Variants in ADAMTS2 observed in about 807,000 individuals in gnomAD.
ADAMTS2 encodes ADAM metallopeptidase with thrombospondin type 1 motif 2, also known as A disintegrin and metalloproteinase with thrombospondin motifs 2.
Under a neutral mutation model 123.0 loss-of-function variants are expected in ADAMTS2, and 50 were observed. That is an observed-to-expected ratio of 0.41 (90% CI 0.32 to 0.51). The LOEUF is 0.51. ADAMTS2 is among the 20% of genes least tolerant of loss of function. The probability of loss-of-function intolerance (pLI) is 0.35; values close to 1 mark genes in which losing one functional copy is unlikely to be tolerated. For synonymous variants in ADAMTS2, 678 were observed against 695.4 expected (o/e 0.98, Z 0.39); for missense variants, 1,494 against 1,705.2 (o/e 0.88, Z 2.18).
chr5:179,128,175 G>C lies in ADAMTS2; in HGVS notation c.2458-57C>G. 6.2e-7 allele frequency: 1 copy of C among 1,603,448 alleles called. No individual in the cohort carries two copies. The highest frequency in any genetic ancestry group is 8.5e-7 in the Non-Finnish European group (1 of 1,177,434). On this transcript the variant is annotated intron_variant, in intron 16 of 21. Coordinates refer to ENST00000251582, the MANE Select transcript of ADAMTS2 (RefSeq NM_014244.5). The surrounding 1 kb of genome is among the most constrained non-coding windows in gnomAD (Gnocchi z 4.9). The stretch of plus-strand genomic sequence containing the variant: ...ACCTGCCCTCCATGCTTCCTCCCCA[G>C]CCAGCTTAGGAACGGCAGCTGAGGC...
At chr5:179,217,628 TG>T (rs1765011460) in intron 3 of ADAMTS2, among the ~76,000 whole-genome samples, 1 of 148,598 alleles carries the variant, frequency 6.7e-6, no homozygotes, top group Non-Finnish European at 1.5e-5. Flanking sequence ...GGGCGGGCTT[TG>T]GGTTCCAAGC....
chr5:179,266,437 C>T (rs898597393), intron 3 of ADAMTS2, among the ~76,000 whole-genome samples: 1 of 150,868 alleles, frequency 6.6e-6, no homozygotes, highest in East Asian at 2.0e-4. Flanking sequence ...GCAGAGACTG[C>T]AGCAATGTTG....
At chr5:179,125,491 G>A (rs1287122532) in intron 18 of ADAMTS2, among the ~76,000 whole-genome samples, 1 of 152,168 alleles carries the variant, frequency 6.6e-6, no homozygotes, top group Admixed American at 6.5e-5. Context: ...AGCCTCCTTA[G>A]GGTCTGGGCC....
rs993868060 is a variant in ADAMTS2 at position 179,117,533 on chromosome 5, G to T, written c.3179-3209C>A. On this transcript the variant is annotated intron_variant, in intron 21 of 21. Coordinates refer to ENST00000251582, the MANE Select transcript of ADAMTS2 (RefSeq NM_014244.5). The surrounding 1 kb of genome is among the most constrained non-coding windows in gnomAD (Gnocchi z 4.2). Reference sequence around the variant, plus strand: ...TGGTTTTGTAAATAAAGTTTTATTGGATCAGGCCCATGCCCATGCATTTTT... The same window carrying T: ...TGGTTTTGTAAATAAAGTTTTATTGTATCAGGCCCATGCCCATGCATTTTT... Among the ~76,000 whole-genome samples, 3 of 151,580 alleles carry T rather than the reference G, an allele frequency of 2.0e-5. No individual in the cohort carries two copies. Among genetic ancestry groups the T allele is most frequent in the Non-Finnish European group, 4.4e-5 (3 of 67,944 alleles).
chr5:179,251,741 CCAT>C (rs1472203552), intron 3 of ADAMTS2, among the ~76,000 whole-genome samples: 1 of 152,078 alleles, frequency 6.6e-6, no homozygotes. Flanking sequence ...CCACAAATGG[CCAT>C]CGAGGAGAAG....
intron 2 of ADAMTS2, among the ~76,000 whole-genome samples, chr5:179,313,929 G>A (rs1451918906): frequency 3.3e-5 from 4 of 121,378 alleles, no homozygotes. Flanking sequence ...GAGCAGGGGT[G>A]TCAGCAGAGG....
intron 4 of ADAMTS2, among the ~76,000 whole-genome samples, chr5:179,204,063 G>A (rs994692756): frequency 4.6e-5 from 7 of 152,200 alleles, no homozygotes; most frequent in African/African-American, 1.7e-4. Context: ...TGGCCCCGAG[G>A]ATGTCATGCT....
chr5:179,200,730 C>T (rs911690741), intron 4 of ADAMTS2, among the ~76,000 whole-genome samples: 4 of 152,176 alleles, frequency 2.6e-5, no homozygotes, highest in Non-Finnish European at 5.9e-5. Flanking sequence ...AAGGGAGAAG[C>T]TTTTCCCCTG....
At chr5:179,146,261 T>C (rs150062496) in intron 10 of ADAMTS2, among the ~76,000 whole-genome samples, 2 of 152,240 alleles carry the variant, frequency 1.3e-5, no homozygotes, top group Non-Finnish European at 2.9e-5. Context: ...TGGCCAGCAC[T>C]TGGCCCTGGC....
At chr5:179,193,277 T>G (rs1016016722) in intron 4 of ADAMTS2, among the ~76,000 whole-genome samples, 1 of 152,196 alleles carries the variant, frequency 6.6e-6, no homozygotes, top group Non-Finnish European at 1.5e-5. Flanking sequence ...AGTGAACAAC[T>G]GCTCGCCTCG....
intron 2 of ADAMTS2, among the ~76,000 whole-genome samples, chr5:179,318,821 G>T (rs187658930): frequency 6.6e-6 from 1 of 152,286 alleles, no homozygotes; most frequent in Admixed American, 6.5e-5. Context: ...TGAGAGGCGG[G>T]GCCCCGAAGG....
rs549666558 is a variant in ADAMTS2 at position 179,191,928 on chromosome 5, C to T, written c.892-10773G>A. ...CAGCTCCTGCTGGCGAGGGCCAGGG[C>T]GTGGGTAGCTGGCACTGGCTGGCAG... On this transcript the variant is annotated intron_variant, in intron 4 of 21. Transcript: ENST00000251582. Among the ~76,000 whole-genome samples, 316 of 152,274 alleles carry T rather than the reference C, an allele frequency of 2.1e-3. 1 individual carries two copies. The highest frequency in any genetic ancestry group is 6.9e-3 in the African/African-American group (287 of 41,554).
intron 5 of ADAMTS2, among the ~76,000 whole-genome samples, chr5:179,171,705 C>A (rs780581893): frequency 7.2e-5 from 11 of 152,124 alleles, no homozygotes; most frequent in Non-Finnish European, 1.6e-4. Flanking sequence ...TAGGGCCAGG[C>A]AGAAAAAGGT....
Position 179,272,032 on chromosome 5 carries a change from G to A in ADAMTS2, c.688+879C>T, listed in dbSNP as rs774716896. On this transcript the variant is annotated intron_variant, in intron 3 of 21. Coordinates refer to ENST00000251582, the MANE Select transcript of ADAMTS2 (RefSeq NM_014244.5). This position sits in a 1 kb window ranked among gnomAD's most constrained non-coding sequence, Gnocchi z 5.8. ...TGACCAGAGGCTGAGGGCTGAGCTC[G>A]CAGCTTCCCACTCTCCCAGCAAGAG... Among the ~76,000 whole-genome samples, 4 of 152,182 alleles carry A rather than the reference G, an allele frequency of 2.6e-5. No individual in the cohort carries two copies. Among genetic ancestry groups the A allele is most frequent in the African/African-American group, 7.2e-5 (3 of 41,436 alleles).
rs979589631 is a variant in ADAMTS2, at chr5:179,115,266, C to T, written c.3179-942G>A. ...GCTATGTTCATTCAACCCATCAACT[C>T]TTCTTGCGCTCACACTCTCTTTACT... On this transcript the variant is annotated intron_variant, in intron 21 of 21. Coordinates refer to ENST00000251582, the MANE Select transcript of ADAMTS2 (RefSeq NM_014244.5). The surrounding 1 kb of genome is among the most constrained non-coding windows in gnomAD (Gnocchi z 4.4). 1.2e-4 allele frequency among the ~76,000 whole-genome samples: 19 copies of T among 152,168 alleles called. No individual in the cohort carries two copies. Among genetic ancestry groups the T allele is most frequent in the African/African-American group, 4.6e-4 (19 of 41,434 alleles).
chr5:179,160,438 G>C (rs1561783784), intron 5 of ADAMTS2, among the ~76,000 whole-genome samples: 2 of 152,290 alleles, frequency 1.3e-5, no homozygotes, highest in East Asian at 1.9e-4. Flanking sequence ...GCGACAGAGT[G>C]AGACTCCGTC....
At chr5:179,192,344 T>C (rs1443271574) in intron 4 of ADAMTS2, among the ~76,000 whole-genome samples, 1 of 152,222 alleles carries the variant, frequency 6.6e-6, no homozygotes, top group South Asian at 2.1e-4. Flanking sequence ...AGCGCAGTCA[T>C]GCAGGGTGCT....
chr5:179,284,704 A>G (rs1755968064), intron 2 of ADAMTS2, among the ~76,000 whole-genome samples: 2 of 152,192 alleles, frequency 1.3e-5, no homozygotes, highest in African/African-American at 2.4e-5. Context: ...TTATTTCAAT[A>G]ACACTCTATG....
chr5:179,309,289 T>C (rs1445707554), intron 2 of ADAMTS2, among the ~76,000 whole-genome samples: 1 of 152,166 alleles, frequency 6.6e-6, no homozygotes, highest in Non-Finnish European at 1.5e-5. Flanking sequence ...GGGCCATTGG[T>C]GGATAGAGCT....
Sources: allele counts gnomAD v4.1 joint callset (sites outside exome capture counted in the v4.1 genomes callset), GRCh38; gene constraint gnomAD v4.1.1; non-coding constraint Gnocchi (gnomAD v3.1); transcripts MANE v1.5; gene names NCBI Gene and HGNC (gene_info 2026-07-23, HGNC 2026-07-21).